KCNH5: variants seen among roughly 807,000 people sequenced by gnomAD.
KCNH5 encodes the protein potassium voltage-gated channel subfamily H member 5, also known as voltage-gated delayed rectifier potassium channel KCNH5.
In KCNH5, 46 loss-of-function variants were observed where a neutral mutation model predicts 96.1. That is an observed-to-expected ratio of 0.48 (90% CI 0.38 to 0.61). KCNH5 has a LOEUF of 0.61. Among genes scored for constraint, KCNH5 ranks in the 20% least tolerant of loss-of-function variants. The probability of loss-of-function intolerance (pLI) is 0.00; values close to 1 mark genes in which losing one functional copy is unlikely to be tolerated. For synonymous variants in KCNH5, 439 were observed against 449.8 expected (o/e 0.98, Z 0.30); for missense variants, 907 against 1,225.8 (o/e 0.74, Z 3.88).
chr14:62,830,638 C>T (rs574938044), intron 8 of KCNH5, among the ~76,000 whole-genome samples: 10 of 152,030 alleles, frequency 6.6e-5, no homozygotes, highest in South Asian at 6.2e-4. Flanking sequence ...AACCACCCCC[C>T]GATCCAGGAT....
At chr14:63,022,835 AT>A (rs2139614216) in intron 1 of KCNH5, among the ~76,000 whole-genome samples, 1 of 152,162 alleles carries the variant, frequency 6.6e-6, no homozygotes, top group South Asian at 2.1e-4. Context: ...CTGTTATATA[AT>A]TTTTTGACAT....
chr14:62,825,348 T>A (rs941118820), intron 8 of KCNH5, among the ~76,000 whole-genome samples: 2 of 152,128 alleles, frequency 1.3e-5, no homozygotes, highest in Admixed American at 1.3e-4. Context: ...AAATGGTATA[T>A]CATTGTGGTT....
At chr14:62,845,097 G>T (rs1887663735) in intron 8 of KCNH5, among the ~76,000 whole-genome samples, 1 of 151,646 alleles carries the variant, frequency 6.6e-6, no homozygotes, top group African/African-American at 2.4e-5. Context: ...AGTTAAATTT[G>T]ATAACCTCTA....
At chr14:62,902,393 T>C (rs1300473339) in intron 7 of KCNH5, among the ~76,000 whole-genome samples, 1 of 152,032 alleles carries the variant, frequency 6.6e-6, no homozygotes, top group East Asian at 1.9e-4. Context: ...AATTTTTCTA[T>C]GTGGTGAAAG....
chr14:62,774,480 A>T lies in KCNH5; in HGVS notation c.2019+5248T>A, dbSNP rs561431610. ...CTTTTTTACACAAATGGTAAAAATC[A>T]TTGTGCAACAAATAGGTAAAATGGG... On this transcript the variant is annotated intron_variant, in intron 10 of 10. Coordinates refer to ENST00000322893, the MANE Select transcript of KCNH5 (RefSeq NM_139318.5). 3.9e-5 allele frequency among the ~76,000 whole-genome samples: 6 copies of T among 152,344 alleles called. 1 individual carries two copies. In the South Asian group the frequency reaches 1.2e-3, roughly 32 times the overall value.
intron 1 of KCNH5, among the ~76,000 whole-genome samples, chr14:63,037,515 T>C (rs1250308440): frequency 2.6e-5 from 4 of 152,118 alleles, no homozygotes; most frequent in African/African-American, 9.7e-5. Context: ...TTAACCCCCA[T>C]TGAGGAACTC....
intron 10 of KCNH5, among the ~76,000 whole-genome samples, chr14:62,750,921 T>C (rs954208161): frequency 8.5e-5 from 13 of 152,160 alleles, no homozygotes; most frequent in Admixed American, 5.9e-4. Flanking sequence ...TACTTCTATC[T>C]GTAAACCATT....
At position 63,001,158 on chromosome 14, in the gene KCNH5, T is replaced by A. The variant is rs963433742; in HGVS notation, c.433+173A>T. On this transcript the variant is annotated intron_variant, in intron 4 of 10. Coordinates refer to ENST00000322893, the MANE Select transcript of KCNH5 (RefSeq NM_139318.5). The stretch of plus-strand genomic sequence containing the variant: ...TCTATATTTCAACTTTGGATAGACA[T>A]GCCATTTCTATTCCAACAGTATGAT... 2.6e-5 allele frequency among the ~76,000 whole-genome samples: 4 copies of A among 152,332 alleles called. No individual in the cohort carries two copies. In the East Asian group the frequency reaches 7.7e-4, roughly 29 times the overall value.
chr14:62,940,481 C>T (rs1483705900), intron 7 of KCNH5, among the ~76,000 whole-genome samples: 1 of 152,136 alleles, frequency 6.6e-6, no homozygotes, highest in African/African-American at 2.4e-5. Flanking sequence ...AATAAAGAAT[C>T]AAATTTTTCT....
intron 7 of KCNH5, among the ~76,000 whole-genome samples, chr14:62,877,154 A>G (rs1192762929): frequency 1.3e-5 from 2 of 152,088 alleles, no homozygotes; most frequent in Non-Finnish European, 2.9e-5. Flanking sequence ...TAGAAAGCTG[A>G]AACTGGATCC....
intron 7 of KCNH5, among the ~76,000 whole-genome samples, chr14:62,889,793 A>T (rs941979147): frequency 1.3e-5 from 2 of 152,216 alleles, no homozygotes; most frequent in African/African-American, 4.8e-5. Context: ...ATTGCATTTC[A>T]ATTGAATGTA....
At chr14:62,953,378 A>G (rs1338921228) in intron 6 of KCNH5, among the ~76,000 whole-genome samples, 3 of 151,954 alleles carry the variant, frequency 2.0e-5, no homozygotes, top group Admixed American at 6.6e-5. Context: ...GATCTACTGC[A>G]TATCTAGGTT....
intron 7 of KCNH5, among the ~76,000 whole-genome samples, chr14:62,900,984 T>C (rs996716599): frequency 6.6e-6 from 1 of 152,010 alleles, no homozygotes; most frequent in Non-Finnish European, 1.5e-5. Flanking sequence ...TCCTATCTTT[T>C]TGTTTTGTTT....
At position 62,706,543 on chromosome 14, in the gene KCNH5, G is replaced by T. The variant is rs1884436329; in HGVS notation, c.*965C>A. 6.6e-6 allele frequency: 1 copy of T among 151,792 alleles called. No individual in the cohort carries two copies. The highest frequency in any genetic ancestry group is 2.4e-5 in the African/African-American group (1 of 41,464). The allele number at this position is 151,792 out of a possible 1,614,324, so 9.4% of individuals were successfully genotyped here. On this transcript the variant is annotated 3_prime_UTR_variant, in exon 11 of 11. Coordinates refer to ENST00000322893, the MANE Select transcript of KCNH5 (RefSeq NM_139318.5). Reference sequence around the variant, plus strand: ...TTTTTATTTTATACCATAATAGTTAGCATTTTGATATGATTACTTAAATGC... The same window carrying T: ...TTTTTATTTTATACCATAATAGTTATCATTTTGATATGATTACTTAAATGC...
chr14:63,022,432 G>C (rs991463317), intron 1 of KCNH5, among the ~76,000 whole-genome samples: 1 of 151,782 alleles, frequency 6.6e-6, no homozygotes, highest in African/African-American at 2.4e-5. Flanking sequence ...TTATACTGAA[G>C]CCAAACGAGT....
chr14:62,891,390 C>T (rs1187638433), intron 7 of KCNH5, among the ~76,000 whole-genome samples: 10 of 152,100 alleles, frequency 6.6e-5, no homozygotes, highest in Non-Finnish European at 1.5e-4. Flanking sequence ...AAACAGCAGA[C>T]ACTGGGGTCT....
chr14:62,822,753 A>G (rs1210426394), intron 8 of KCNH5, among the ~76,000 whole-genome samples: 1 of 152,108 alleles, frequency 6.6e-6, no homozygotes, highest in Non-Finnish European at 1.5e-5. Flanking sequence ...CACCAAATGT[A>G]CAATCCATAA....
intron 10 of KCNH5, among the ~76,000 whole-genome samples, chr14:62,714,854 A>G (rs1316462709): frequency 2.0e-5 from 3 of 152,218 alleles, no homozygotes; most frequent in Non-Finnish European, 2.9e-5. Flanking sequence ...CTTTTGTCCA[A>G]TGGCAAATCA....
chr14:63,005,387 A>G (rs950200695), intron 3 of KCNH5, among the ~76,000 whole-genome samples: 12 of 152,248 alleles, frequency 7.9e-5, no homozygotes, highest in Non-Finnish European at 1.3e-4. Context: ...AAATGTTTCA[A>G]GTAAATGGAG....
Sources: allele counts gnomAD v4.1 joint callset (sites outside exome capture counted in the v4.1 genomes callset), GRCh38; gene constraint gnomAD v4.1.1; transcripts MANE v1.5; gene names NCBI Gene and HGNC (gene_info 2026-07-23, HGNC 2026-07-21).